Variants in CRTC1 observed in about 807,000 individuals in gnomAD.
CRTC1 encodes the protein CREB-regulated transcription coactivator 1.
Under a neutral mutation model 66.1 loss-of-function variants are expected in CRTC1, and 18 were observed. The ratio of observed to expected loss-of-function variants is 0.27; its 90% CI spans 0.19 to 0.40. CRTC1 has a LOEUF of 0.40. Among genes scored for constraint, CRTC1 ranks in the 10% least tolerant of loss-of-function variants. CRTC1 has a pLI of 1.00. For synonymous variants in CRTC1, 416 were observed against 398.8 expected (o/e 1.04, Z -0.51); for missense variants, 669 against 887.9 (o/e 0.75, Z 3.13).
Position 18,777,887 on chromosome 19 carries a change from C to A in CRTC1, c.*505C>A. ...GTCAGGTAGAGAGTGAGCCCCACGC[C>A]GCCCCAGGGAGGAGGCGCCAGAGCG... On this transcript the variant is annotated 3_prime_UTR_variant, in exon 14 of 14. Coordinates refer to ENST00000321949, the MANE Select transcript of CRTC1 (RefSeq NM_015321.3). This position sits in a 1 kb window ranked among gnomAD's most constrained non-coding sequence, Gnocchi z 5.5. The A allele has an allele frequency of 3.8e-6, 1 of 262,872 alleles. No homozygotes were observed. Among genetic ancestry groups the A allele is most frequent in the East Asian group, 6.0e-5 (1 of 16,638 alleles). 16.3% of individuals were successfully genotyped at this position (262,872 alleles called of 1,614,324 possible).
At position 18,696,834 on chromosome 19, in the gene CRTC1, T is replaced by C. The variant is rs1040843766; in HGVS notation, c.126+13006T>C. ...AGGTGTGCCACTCACGGAGGAAGAC[T>C]CGGGGCATTTAGGAGGTGATGGTGA... On this transcript the variant is annotated intron_variant, in intron 1 of 13. Coordinates refer to ENST00000321949, the MANE Select transcript of CRTC1 (RefSeq NM_015321.3). Among the ~76,000 whole-genome samples the C allele has an allele frequency of 1.7e-4, 15 of 88,376 alleles. No individual in the cohort carries two copies. In the East Asian group the frequency reaches 1.8e-3, roughly 11 times the overall value. 58.0% of individuals were successfully genotyped at this position (88,376 alleles called of 152,430 possible).
At chr19:18,697,491 G>A (rs2053020281) in intron 1 of CRTC1, among the ~76,000 whole-genome samples, 2 of 152,204 alleles carry the variant, frequency 1.3e-5, no homozygotes, top group South Asian at 4.1e-4. Context: ...TGCATTTTTG[G>A]TAGAGATGGG....
intron 1 of CRTC1, among the ~76,000 whole-genome samples, chr19:18,738,813 A>C (rs960144731): frequency 6.6e-6 from 1 of 152,194 alleles, no homozygotes; most frequent in Non-Finnish European, 1.5e-5. Context: ...AACAACAACA[A>C]CAACAACAAC....
chr19:18,768,697 A>G lies in CRTC1; in HGVS notation c.1224A>G (p.Pro408=). 2 of 1,529,934 alleles carry G rather than the reference A, an allele frequency of 1.3e-6. No homozygotes were observed. The highest frequency in any genetic ancestry group is 1.8e-6 in the Non-Finnish European group (2 of 1,137,328). 94.8% of individuals were successfully genotyped at this position (1,529,934 alleles called of 1,614,324 possible). A position where few individuals can be genotyped will look rare whatever the true frequency, so the allele number is the denominator to read the frequency against. Residue 408 remains proline (P), a synonymous_variant, in exon 10 of 14, where the codon CCA becomes CCG. Coordinates refer to ENST00000321949, the MANE Select transcript of CRTC1 (RefSeq NM_015321.3). The surrounding 1 kb of genome is among the most constrained non-coding windows in gnomAD (Gnocchi z 5.6). ...LLPSASLTRG[P]QPPPLAVTVP... Reference sequence around the variant, plus strand: ...CCAGCGCCAGCCTGACTCGTGGGCCACAGCCGCCCCCGCTTGCAGTCACGG... The same window carrying G: ...CCAGCGCCAGCCTGACTCGTGGGCCGCAGCCGCCCCCGCTTGCAGTCACGG...
At chr19:18,745,268 T>C (rs1050379842) in intron 2 of CRTC1, among the ~76,000 whole-genome samples, 1 of 151,996 alleles carries the variant, frequency 6.6e-6, no homozygotes, top group Non-Finnish European at 1.5e-5. Context: ...GGGGAGGGTG[T>C]GTGGGGGCCG....
At chr19:18,719,374 G>T (rs2053573431) in intron 1 of CRTC1, among the ~76,000 whole-genome samples, 1 of 152,224 alleles carries the variant, frequency 6.6e-6, no homozygotes, top group South Asian at 2.1e-4. Context: ...GCCTGGCTAG[G>T]AGTTCAGGGG....
At chr19:18,687,652 G>C (rs2052716459) in intron 1 of CRTC1, among the ~76,000 whole-genome samples, 1 of 152,162 alleles carries the variant, frequency 6.6e-6, no homozygotes, top group African/African-American at 2.4e-5. Flanking sequence ...GTCGGCACCT[G>C]CTCCTCTCCT....
chr19:18,749,820 G>A lies in CRTC1; in HGVS notation c.483G>A (p.Thr161=), dbSNP rs765028098. Residue 161 remains threonine, a synonymous_variant, in exon 5 of 14, where the codon ACG becomes ACA. Transcript: ENST00000321949. ...SDSALHQSTM[T]PTQPESFSSG... ...CCGCCCTGCACCAGAGCACAATGAC[G>A]CCCACGCAGCCAGAATCCTTTAGCA... The A allele has an allele frequency of 9.3e-6, 15 of 1,613,956 alleles. No homozygotes were observed. The highest frequency in any genetic ancestry group is 6.7e-5 in the East Asian group (3 of 44,886).
At chr19:18,751,837 C>G (rs2054370794) in intron 5 of CRTC1, among the ~76,000 whole-genome samples, 1 of 152,102 alleles carries the variant, frequency 6.6e-6, no homozygotes, top group Non-Finnish European at 1.5e-5. Flanking sequence ...GAGCAGGAAG[C>G]AAGATCAAGT....
chr19:18,717,007 ATG>A (rs1251337331), intron 1 of CRTC1, among the ~76,000 whole-genome samples: 2 of 152,044 alleles, frequency 1.3e-5, no homozygotes, highest in South Asian at 4.1e-4. Flanking sequence ...GAGTGTGAGC[ATG>A]TGTGTGTGCG....
chr19:18,780,335 C>A lies in CRTC1; in HGVS notation c.*2953C>A, dbSNP rs552371211. ...CCCTCCTGAGAGCATGGCGTCCCCA[C>A]CTTCCTGTTTCGCCGACGTCACTAC... On this transcript the variant is annotated 3_prime_UTR_variant, in exon 14 of 14. Transcript: ENST00000321949. The A allele has an allele frequency of 8.6e-6, 2 of 231,972 alleles. No homozygotes were observed. Among genetic ancestry groups the A allele is most frequent in the African/African-American group, 2.2e-5 (1 of 45,254 alleles). 14.4% of individuals were successfully genotyped at this position (231,972 alleles called of 1,614,324 possible). A position where few individuals can be genotyped will look rare whatever the true frequency, so the allele number is the denominator to read the frequency against.
chr19:18,748,876 ACATT>A (rs2054304276), intron 4 of CRTC1, among the ~76,000 whole-genome samples: 1 of 152,058 alleles, frequency 6.6e-6, no homozygotes, highest in South Asian at 2.1e-4. Context: ...TCCCACCATC[ACATT>A]CATTAACTTA....
At chr19:18,740,600 G>A (rs1222324294) in intron 1 of CRTC1, among the ~76,000 whole-genome samples, 1 of 152,220 alleles carries the variant, frequency 6.6e-6, no homozygotes, top group African/African-American at 2.4e-5. Context: ...TCTCCTGCAG[G>A]TCACCTCCCA....
At chr19:18,750,354 G>A (rs927108115) in intron 5 of CRTC1, among the ~76,000 whole-genome samples, 3 of 152,184 alleles carry the variant, frequency 2.0e-5, no homozygotes, top group African/African-American at 7.2e-5. Flanking sequence ...TAGCTATAGC[G>A]AGTGAGAAAG....
At chr19:18,774,867 C>T (rs548164106) in intron 11 of CRTC1, 33 bp from the exon 12 acceptor site, 6 of 1,605,480 alleles carry the variant, frequency 3.7e-6, no homozygotes, top group East Asian at 2.2e-5. Context: ...GGCCTCAGGC[C>T]GTGACCACAG....
intron 1 of CRTC1, among the ~76,000 whole-genome samples, chr19:18,703,442 C>T (rs571938950): frequency 2.0e-5 from 3 of 152,092 alleles, no homozygotes; most frequent in Admixed American, 1.3e-4. Context: ...TATTTACTTA[C>T]GTATTTATTT....
At chr19:18,725,390 C>T (rs184182589) in intron 1 of CRTC1, among the ~76,000 whole-genome samples, 7 of 152,302 alleles carry the variant, frequency 4.6e-5, no homozygotes, top group East Asian at 1.9e-4. Flanking sequence ...TCTCTGTCAT[C>T]GCTTGGTTTC....
At chr19:18,769,324 G>A (rs2054810836) in intron 10 of CRTC1, among the ~76,000 whole-genome samples, 1 of 152,356 alleles carries the variant, frequency 6.6e-6, no homozygotes, top group African/African-American at 2.4e-5. Flanking sequence ...CTTTAACCCT[G>A]TACCCACAAA....
In CRTC1 at chr19:18,771,603, C is replaced by T; in HGVS notation, c.1425+57C>T. On this transcript the variant is annotated intron_variant, in intron 11 of 13. Coordinates refer to ENST00000321949, the MANE Select transcript of CRTC1 (RefSeq NM_015321.3). This position sits in a 1 kb window ranked among gnomAD's most constrained non-coding sequence, Gnocchi z 4.6. The stretch of plus-strand genomic sequence containing the variant: ...GGCTCCACGCTTGTCTTGTTCATGC[C>T]CCGTGTGTTCCCTGCCCACTGTCTG... 1 of 1,291,814 alleles carries T rather than the reference C, an allele frequency of 7.7e-7. No individual in the cohort carries two copies. Among genetic ancestry groups the T allele is most frequent in the South Asian group, 1.3e-5 (1 of 79,784 alleles). 80.0% of individuals were successfully genotyped at this position (1,291,814 alleles called of 1,614,324 possible).
Sources: allele counts gnomAD v4.1 joint callset (sites outside exome capture counted in the v4.1 genomes callset), GRCh38; gene constraint gnomAD v4.1.1; non-coding constraint Gnocchi (gnomAD v3.1); transcripts MANE v1.5; gene names NCBI Gene and HGNC (gene_info 2026-07-23, HGNC 2026-07-21).